The following GALNTL6 variants were observed in gnomAD, a reference collection of about 807,000 sequenced individuals.
GALNTL6 encodes polypeptide N-acetylgalactosaminyltransferase-like 6.
In GALNTL6, 46 loss-of-function variants were observed where a neutral mutation model predicts 73.7. That is an observed-to-expected ratio of 0.62 (90% CI 0.49 to 0.80). GALNTL6 has a LOEUF of 0.80. Ranked by LOEUF, GALNTL6 falls within the 30% of genes least tolerant of loss-of-function variation. The probability of loss-of-function intolerance (pLI) is 0.00; values close to 1 mark genes in which losing one functional copy is unlikely to be tolerated. For synonymous variants in GALNTL6, 259 were observed against 263.7 expected (o/e 0.98, Z 0.17); for missense variants, 604 against 755.0 (o/e 0.80, Z 2.34).
chr4:172,808,917 A>G (rs191783759), intron 5 of GALNTL6, among the ~76,000 whole-genome samples: 1 of 152,310 alleles, frequency 6.6e-6, no homozygotes, highest in Admixed American at 6.5e-5. Context: ...ACAGATATTT[A>G]TCTTTCCTGT....
intron 2 of GALNTL6, among the ~76,000 whole-genome samples, chr4:172,042,744 G>A (rs1356040481): frequency 6.6e-6 from 1 of 150,390 alleles, no homozygotes; most frequent in Non-Finnish European, 1.5e-5. Context: ...CTTTCTTTCT[G>A]TCTTTCTCTG....
chr4:172,330,415 A>G lies in GALNTL6; in HGVS notation c.387-18108A>G, dbSNP rs199854800. ...GAGCTAGGGAGGCTCCCCTGGCTCC[A>G]TGTTGCTCCTGAGTGGGCATTCATC... On this transcript the variant is annotated intron_variant, in intron 4 of 12. Coordinates refer to ENST00000506823, the MANE Select transcript of GALNTL6 (RefSeq NM_001034845.3). Among the ~76,000 whole-genome samples, 122 of 152,314 alleles carry G rather than the reference A, an allele frequency of 8.0e-4. 2 individuals carry two copies. In the South Asian group the frequency reaches 0.016, roughly 19 times the overall value.
At chr4:171,940,767 G>A (rs1056319487) in intron 2 of GALNTL6, among the ~76,000 whole-genome samples, 16 of 151,350 alleles carry the variant, frequency 1.1e-4, no homozygotes, top group African/African-American at 2.2e-4. Context: ...GCAGTGAGCC[G>A]GGATTGCGCC....
At chr4:171,894,554 A>T (rs1736854048) in intron 2 of GALNTL6, among the ~76,000 whole-genome samples, 1 of 152,180 alleles carries the variant, frequency 6.6e-6, no homozygotes, top group Non-Finnish European at 1.5e-5. Flanking sequence ...AATGTTTGAA[A>T]TTTTTTGAAA....
At chr4:172,269,014 G>A (rs1338889408) in intron 3 of GALNTL6, among the ~76,000 whole-genome samples, 1 of 152,074 alleles carries the variant, frequency 6.6e-6, no homozygotes, top group Non-Finnish European at 1.5e-5. Context: ...GATGAGCGTG[G>A]CCCATCACAT....
At chr4:171,917,171 T>G (rs1288291964) in intron 2 of GALNTL6, among the ~76,000 whole-genome samples, 1 of 152,054 alleles carries the variant, frequency 6.6e-6, no homozygotes, top group Non-Finnish European at 1.5e-5. Flanking sequence ...ATAACTTAGT[T>G]GCAAATTCGT....
chr4:172,819,555 C>A (rs1741808439), intron 7 of GALNTL6, among the ~76,000 whole-genome samples: 3 of 152,210 alleles, frequency 2.0e-5, no homozygotes, highest in Admixed American at 6.5e-5. Flanking sequence ...TCTGGGGTTG[C>A]TGACTCATCA....
chr4:173,015,047 C>T (rs1261299318), intron 11 of GALNTL6, among the ~76,000 whole-genome samples: 1 of 152,154 alleles, frequency 6.6e-6, no homozygotes, highest in Non-Finnish European at 1.5e-5. Flanking sequence ...CTATAAGGCG[C>T]TTTTCCCCCT....
intron 5 of GALNTL6, among the ~76,000 whole-genome samples, chr4:172,684,432 A>G (rs764803120): frequency 5.9e-5 from 9 of 152,190 alleles, no homozygotes; most frequent in Non-Finnish European, 1.0e-4. Context: ...AGAACCTTCA[A>G]ATTTTGTCAT....
At chr4:172,698,613 T>A (rs1469160723) in intron 5 of GALNTL6, among the ~76,000 whole-genome samples, 1 of 152,202 alleles carries the variant, frequency 6.6e-6, no homozygotes, top group East Asian at 1.9e-4. Flanking sequence ...TTTGGATTCT[T>A]AACGATGATT....
At chr4:172,442,801 A>G (rs1731879160) in intron 5 of GALNTL6, among the ~76,000 whole-genome samples, 1 of 152,096 alleles carries the variant, frequency 6.6e-6, no homozygotes, top group Admixed American at 6.6e-5. Context: ...AGATCTAGCA[A>G]AAATTGTTAT....
chr4:172,233,138 G>C (rs1274572979), intron 3 of GALNTL6, among the ~76,000 whole-genome samples: 1 of 150,384 alleles, frequency 6.6e-6, no homozygotes, highest in Admixed American at 6.7e-5. Flanking sequence ...GGTGGCAGCA[G>C]AGGGAGGATC....
rs772445936 is a variant in GALNTL6, at chr4:172,311,792, G to GA, written c.386+40_386+41insA. On this transcript the variant is annotated intron_variant, in intron 4 of 12. Coordinates refer to ENST00000506823, the MANE Select transcript of GALNTL6 (RefSeq NM_001034845.3). Reference sequence around the variant, plus strand: ...ATCAGTGATCAGGGTGGGTTTTTTTGGTTTTTTTTGTCCTTTGATTTTTTT... The same window carrying GA: ...ATCAGTGATCAGGGTGGGTTTTTTTGAGTTTTTTTTGTCCTTTGATTTTTTT... 4 of 1,324,214 alleles carry GA rather than the reference G, an allele frequency of 3.0e-6. No homozygotes were observed. The East Asian group carries it at 8.3e-5, about 27-fold the overall frequency. 82.0% of individuals were successfully genotyped at this position (1,324,214 alleles called of 1,614,324 possible).
chr4:172,829,674 A>T (rs1742515027), intron 7 of GALNTL6, among the ~76,000 whole-genome samples: 1 of 152,258 alleles, frequency 6.6e-6, no homozygotes, highest in African/African-American at 2.4e-5. Context: ...AATGCAGTAG[A>T]CATAGCCTTT....
chr4:172,211,695 G>A (rs1736325835), intron 2 of GALNTL6, among the ~76,000 whole-genome samples: 1 of 152,176 alleles, frequency 6.6e-6, no homozygotes, highest in African/African-American at 2.4e-5. Context: ...ATGAACAACA[G>A]AAATTTGTTT....
chr4:172,235,742 C>T (rs1417247211), intron 3 of GALNTL6, among the ~76,000 whole-genome samples: 2 of 151,894 alleles, frequency 1.3e-5, no homozygotes, highest in African/African-American at 4.8e-5. Context: ...CCTGTTACTC[C>T]AGTTCTCAGC....
At chr4:172,368,693 C>A (rs1742664538) in intron 5 of GALNTL6, among the ~76,000 whole-genome samples, 1 of 151,728 alleles carries the variant, frequency 6.6e-6, no homozygotes, top group Non-Finnish European at 1.5e-5. Flanking sequence ...GATGTTGTAG[C>A]CGGAGTTTGT....
chr4:173,006,435 CAG>C (rs1752297137), intron 10 of GALNTL6, among the ~76,000 whole-genome samples: 1 of 152,172 alleles, frequency 6.6e-6, no homozygotes, highest in South Asian at 2.1e-4. Context: ...AGGAGATTTA[CAG>C]AGTGTGCCAG....
chr4:171,973,575 T>C (rs1739632845), intron 2 of GALNTL6, among the ~76,000 whole-genome samples: 1 of 152,146 alleles, frequency 6.6e-6, no homozygotes, highest in South Asian at 2.1e-4. Flanking sequence ...TTAAGGCCCA[T>C]CATAATTCAG....
Sources: gnomAD v4.1 joint callset for allele counts (sites outside exome capture counted in the v4.1 genomes callset) on GRCh38, gnomAD v4.1.1 for gene constraint, MANE v1.5 for transcripts, NCBI Gene and HGNC (gene_info 2026-07-23, HGNC 2026-07-21) for gene names.